CAMK2D: variants seen among roughly 807,000 people sequenced by gnomAD.
The protein encoded by CAMK2D is calcium/calmodulin dependent protein kinase II delta.
A neutral mutation model predicts 84.0 loss-of-function variants in CAMK2D; 37 were observed. That is an observed-to-expected ratio of 0.44 (90% CI 0.34 to 0.58). The LOEUF (loss-of-function observed/expected upper bound fraction) is 0.58. Ranked by LOEUF, CAMK2D falls within the 20% of genes least tolerant of loss-of-function variation. CAMK2D has a pLI of 0.02. For missense variants in CAMK2D, 448 were observed against 652.5 expected (o/e 0.69, Z 3.41); for synonymous variants, 202 against 212.5 (o/e 0.95, Z 0.43).
At chr4:113,721,976 A>G (rs1446469206) in intron 2 of CAMK2D, among the ~76,000 whole-genome samples, 1 of 152,186 alleles carries the variant, frequency 6.6e-6, no homozygotes, top group Non-Finnish European at 1.5e-5. Flanking sequence ...CTAAGTTAGG[A>G]ATATAAACTC....
At chr4:113,513,146 A>G in intron 12 of CAMK2D, 182 bp downstream of exon 12, 1 of 984,370 alleles carries the variant, frequency 1.0e-6, no homozygotes, top group South Asian at 4.7e-5. Flanking sequence ...GGCAGCAGAC[A>G]GCACCCAGGT....
chr4:113,759,253 A>G, intron 2 of CAMK2D, 67 bp downstream of exon 2: 2 of 921,538 alleles, frequency 2.2e-6, no homozygotes, highest in Non-Finnish European at 3.4e-6. Context: ...ATATTTACAT[A>G]CAACAGAACC....
At chr4:113,490,758 T>G (rs1226346443) in intron 16 of CAMK2D, among the ~76,000 whole-genome samples, 1 of 145,878 alleles carries the variant, frequency 6.9e-6, no homozygotes, top group African/African-American at 2.6e-5. Context: ...ACGATATTGA[T>G]TCTTCCTACC....
At chr4:113,590,068 T>C (rs2098858454) in intron 4 of CAMK2D, among the ~76,000 whole-genome samples, 1 of 152,206 alleles carries the variant, frequency 6.6e-6, no homozygotes, top group Non-Finnish European at 1.5e-5. Flanking sequence ...CACAAAATCC[T>C]ACTCATTTTG....
intron 6 of CAMK2D, among the ~76,000 whole-genome samples, chr4:113,542,419 T>A (rs1215159808): frequency 6.6e-6 from 1 of 152,110 alleles, no homozygotes; most frequent in Non-Finnish European, 1.5e-5. Flanking sequence ...TACCCATGGT[T>A]AACAAGAATT....
chr4:113,575,886 A>C (rs188316042), intron 4 of CAMK2D, among the ~76,000 whole-genome samples: 1 of 152,220 alleles, frequency 6.6e-6, no homozygotes, highest in East Asian at 1.9e-4. Flanking sequence ...AGTTATGTAA[A>C]GTTTTTTTTT....
Position 113,531,334 on chromosome 4 carries a change from T to C in CAMK2D, c.518-35A>G, listed in dbSNP as rs751413907. 4 of 1,065,728 alleles carry C rather than the reference T, an allele frequency of 3.8e-6. No homozygotes were observed. In the African/African-American group the frequency reaches 6.2e-5, roughly 17 times the overall value. 66.0% of individuals were successfully genotyped at this position (1,065,728 alleles called of 1,614,324 possible). ...AGAGATGTTAATGAGTCACAGTTGA[T>C]TTGACAAAACAATATGAAATGGGAA... On this transcript the variant is annotated intron_variant, in intron 7 of 20. Transcript: ENST00000511664.
chr4:113,487,667 C>T (rs747159063), intron 16 of CAMK2D, among the ~76,000 whole-genome samples: 49 of 151,980 alleles, frequency 3.2e-4, no homozygotes, highest in Non-Finnish European at 5.7e-4. Flanking sequence ...TCCTATAGTG[C>T]TATTGATAAC....
chr4:113,495,030 G>A (rs1056302606), intron 16 of CAMK2D, among the ~76,000 whole-genome samples: 19 of 152,054 alleles, frequency 1.2e-4, no homozygotes, highest in African/African-American at 3.9e-4. Flanking sequence ...ACTGACCTGC[G>A]CCCACTGTGT....
intron 6 of CAMK2D, 149 bp downstream of exon 6, chr4:113,547,495 G>A: frequency 2.0e-6 from 1 of 494,414 alleles, no homozygotes; most frequent in Non-Finnish European, 3.6e-6. Flanking sequence ...AAATAAGAGA[G>A]ACTGTGGTGA....
intron 3 of CAMK2D, among the ~76,000 whole-genome samples, chr4:113,622,756 T>A (rs562322964): frequency 1.3e-5 from 2 of 152,316 alleles, no homozygotes; most frequent in African/African-American, 4.8e-5. Flanking sequence ...AATGAAACCC[T>A]GCCTCAAAAA....
intron 1 of CAMK2D, among the ~76,000 whole-genome samples, chr4:113,760,278 C>T (rs2099638050): frequency 6.6e-6 from 1 of 152,098 alleles, no homozygotes; most frequent in South Asian, 2.1e-4. Flanking sequence ...TGCTAGGCTA[C>T]GCTTAAGAGC....
At chr4:113,702,569 T>C (rs943518015) in intron 2 of CAMK2D, among the ~76,000 whole-genome samples, 2 of 152,192 alleles carry the variant, frequency 1.3e-5, no homozygotes, top group Admixed American at 6.5e-5. Context: ...ATTTTAATGG[T>C]ATATTGTATT....
chr4:113,525,982 G>A (rs1457258063), intron 8 of CAMK2D, among the ~76,000 whole-genome samples: 3 of 152,130 alleles, frequency 2.0e-5, no homozygotes, highest in African/African-American at 7.2e-5. Flanking sequence ...GAGTTTAAGG[G>A]TACATCACCT....
intron 16 of CAMK2D, among the ~76,000 whole-genome samples, chr4:113,491,537 C>T (rs1458802130): frequency 1.3e-5 from 2 of 152,040 alleles, no homozygotes; most frequent in East Asian, 3.9e-4. Flanking sequence ...CTGCTGGATT[C>T]GTTTTGCCAG....
chr4:113,752,144 AC>A (rs1184579624), intron 2 of CAMK2D, among the ~76,000 whole-genome samples: 1 of 151,992 alleles, frequency 6.6e-6, no homozygotes, highest in African/African-American at 2.4e-5. Context: ...AACAAAAAGC[AC>A]ACAGGTAGCT....
intron 2 of CAMK2D, among the ~76,000 whole-genome samples, chr4:113,687,712 A>G (rs1354157558): frequency 6.6e-6 from 1 of 152,240 alleles, no homozygotes; most frequent in African/African-American, 2.4e-5. Flanking sequence ...CCACCAGTTG[A>G]AAATGGGGAG....
intron 3 of CAMK2D, among the ~76,000 whole-genome samples, chr4:113,640,664 CTA>C (rs1490727382): frequency 6.6e-6 from 1 of 152,168 alleles, no homozygotes; most frequent in African/African-American, 2.4e-5. Flanking sequence ...GTGATAATCA[CTA>C]TGAGAGCAAT....
chr4:113,510,382 C>CAACA (rs897467494), intron 12 of CAMK2D, among the ~76,000 whole-genome samples: 1 of 151,984 alleles, frequency 6.6e-6, no homozygotes, highest in Non-Finnish European at 1.5e-5. Context: ...AAATTTGAGA[C>CAACA]AACATAAAAC....
Sources: gnomAD v4.1 joint callset for allele counts (sites outside exome capture counted in the v4.1 genomes callset) on GRCh38, gnomAD v4.1.1 for gene constraint, MANE v1.5 for transcripts, NCBI Gene and HGNC (gene_info 2026-07-23, HGNC 2026-07-21) for gene names.